The following ALG12 variants were observed in gnomAD, a reference collection of about 807,000 sequenced individuals.
ALG12 encodes the protein ALG12 alpha-1,6-mannosyltransferase.
Under a neutral mutation model 46.0 loss-of-function variants are expected in ALG12, and 36 were observed. The observed-to-expected ratio is 0.78, with a 90% CI of 0.60 to 1.03. The LOEUF (loss-of-function observed/expected upper bound fraction) is 1.03. Ranked by LOEUF, ALG12 falls within the 50% of genes least tolerant of loss-of-function variation. The pLI is 0.00. For synonymous variants in ALG12, 326 were observed against 291.6 expected, an observed-to-expected ratio of 1.12 and a Z score of -1.20; for missense variants, 599 against 633.5, an observed-to-expected ratio of 0.95 and a Z score of 0.58.
chr22:49,861,260 G>T, the ALG12 span, among the ~76,000 whole-genome samples: 1 of 151,528 alleles, frequency 6.6e-6, no homozygotes, highest in East Asian at 1.9e-4. Flanking sequence ...TTGTGCCTCA[G>T]CCTCCTGAGT....
the ALG12 span, among the ~76,000 whole-genome samples, chr22:49,862,272 CTGT>C: frequency 6.4e-4 from 97 of 151,958 alleles, 1 homozygote; most frequent in African/African-American, 2.3e-3. Context: ...GGTGGTTTCT[CTGT>C]CTTTCTTATT....
chr22:49,871,656 T>G, the ALG12 span, among the ~76,000 whole-genome samples: 1 of 152,126 alleles, frequency 6.6e-6, no homozygotes, highest in African/African-American at 2.4e-5. Flanking sequence ...GATGTTGCCT[T>G]GGTGTCCAGG....
At chr22:49,915,706 G>A (rs997302540) in intron 1 of ALG12, among the ~76,000 whole-genome samples, 15 of 152,188 alleles carry the variant, frequency 9.9e-5, no homozygotes, top group African/African-American at 3.4e-4. Flanking sequence ...CTTTTTGACG[G>A]TGGGGGGTTT....
rs1445845495 is a variant in ALG12, at chr22:49,905,890, A to C, written c.993-1384T>G. Among the ~76,000 whole-genome samples, 1 of 152,186 alleles carries C rather than the reference A, an allele frequency of 6.6e-6. No homozygotes were observed. The highest frequency in any genetic ancestry group is 1.5e-5 in the Non-Finnish European group (1 of 68,016). On this transcript the variant is annotated intron_variant, in intron 7 of 9. Coordinates refer to ENST00000330817, the MANE Select transcript of ALG12 (RefSeq NM_024105.4). The surrounding 1 kb of genome is among the most constrained non-coding windows in gnomAD (Gnocchi z 4.9). ...CTGCCCCAAAGAGCTCAGCACTGCC[A>C]GGGCGTTCGTCCTTTGTTCCCGCCC...
chr22:49,911,099 AGG>A (rs2060574315), intron 3 of ALG12, among the ~76,000 whole-genome samples: 1 of 152,192 alleles, frequency 6.6e-6, no homozygotes, highest in Non-Finnish European at 1.5e-5. Context: ...TCTGATGAGG[AGG>A]TGGTGAGGGG....
At chr22:49,895,244 C>T (rs2060479472), downstream of ALG12, among the ~76,000 whole-genome samples, 1 of 152,188 alleles carries the variant, frequency 6.6e-6, no homozygotes, top group Admixed American at 6.5e-5. Context: ...GTAAGTCTTC[C>T]CATCCTCCTG....
At chr22:49,883,923 C>T in the ALG12 span, 2 of 1,611,024 alleles carry the variant, frequency 1.2e-6, no homozygotes, top group Non-Finnish European at 8.5e-7. Flanking sequence ...GCGCGCTGTT[C>T]TCCCAGTACA....
chr22:49,863,920 C>T, the ALG12 span, among the ~76,000 whole-genome samples: 1 of 152,170 alleles, frequency 6.6e-6, no homozygotes, highest in Non-Finnish European at 1.5e-5. Flanking sequence ...AGTGAGAGCC[C>T]CTACAAGCTG....
At chr22:49,864,948 C>G in the ALG12 span, among the ~76,000 whole-genome samples, 6 of 98,532 alleles carry the variant, frequency 6.1e-5, no homozygotes, top group Non-Finnish European at 9.1e-5. Context: ...CCCCCCCCCC[C>G]CCCCGTGAAG....
downstream of ALG12, among the ~76,000 whole-genome samples, chr22:49,897,530 G>C (rs2060487872): frequency 1.3e-5 from 2 of 152,156 alleles, no homozygotes; most frequent in African/African-American, 4.8e-5. Flanking sequence ...CAAGTGCGTA[G>C]TGGTGTCTCA....
the ALG12 span, among the ~76,000 whole-genome samples, chr22:49,872,321 C>G: frequency 1.3e-5 from 2 of 152,164 alleles, no homozygotes; most frequent in Non-Finnish European, 2.9e-5. Context: ...CTCATTCACT[C>G]AAGTTTTATC....
chr22:49,886,904 C>T, the ALG12 span: 4 of 1,614,150 alleles, frequency 2.5e-6, no homozygotes, highest in Non-Finnish European at 3.4e-6. This position sits in a 1 kb window ranked among gnomAD's most constrained non-coding sequence, Gnocchi z 7.7. Context: ...GAAAAGCTGC[C>T]TGAAGCCATG....
intron 3 of ALG12, among the ~76,000 whole-genome samples, chr22:49,912,755 A>G (rs1004124013): frequency 6.6e-6 from 1 of 152,168 alleles, no homozygotes; most frequent in Admixed American, 6.5e-5. Context: ...TAATCCCAGC[A>G]CTGTGGGAGG....
the ALG12 span, among the ~76,000 whole-genome samples, chr22:49,870,787 T>C: frequency 1.3e-5 from 2 of 152,184 alleles, no homozygotes; most frequent in Non-Finnish European, 2.9e-5. Context: ...GTCGATGGTC[T>C]CCTTTTCTGT....
intron 3 of ALG12, among the ~76,000 whole-genome samples, chr22:49,910,838 G>A (rs1374760319): frequency 6.6e-6 from 1 of 152,250 alleles, no homozygotes; most frequent in African/African-American, 2.4e-5. Context: ...GACCCTTGCG[G>A]GGGCTGCTCT....
At position 49,906,397 on chromosome 22, in the gene ALG12, A is replaced by C. The variant is rs2060542093; in HGVS notation, c.992+1324T>G. On this transcript the variant is annotated intron_variant, in intron 7 of 9. Transcript: ENST00000330817. The surrounding 1 kb of genome is among the most constrained non-coding windows in gnomAD (Gnocchi z 4.4). ...ACAGAAAAGCAGAGGCAGAGCTCCCAGGAGCCCCCACTGAGGCGCGGCTAC... is the reference window on the plus strand; with the variant it reads ...ACAGAAAAGCAGAGGCAGAGCTCCCCGGAGCCCCCACTGAGGCGCGGCTAC... Among the ~76,000 whole-genome samples, 1 of 152,140 alleles carries C rather than the reference A, an allele frequency of 6.6e-6. No homozygotes were observed. The highest frequency in any genetic ancestry group is 6.5e-5 in the Admixed American group (1 of 15,274).
chr22:49,863,399 C>T, the ALG12 span, among the ~76,000 whole-genome samples: 2 of 152,184 alleles, frequency 1.3e-5, no homozygotes, highest in Non-Finnish European at 2.9e-5. Context: ...GAGGCCGAGG[C>T]AGGCGGATCA....
At chr22:49,910,686 C>T in intron 3 of ALG12, 79 bp from the exon 4 acceptor site, 1 of 1,526,068 alleles carries the variant, frequency 6.6e-7, no homozygotes, top group Non-Finnish European at 9.1e-7. Flanking sequence ...TCCTTCTACA[C>T]AGATCTTTCT....
the ALG12 span, among the ~76,000 whole-genome samples, chr22:49,862,740 C>T: frequency 5.8e-4 from 76 of 130,020 alleles, no homozygotes; most frequent in Admixed American, 1.3e-3. Flanking sequence ...CTTGCTCTGT[C>T]GCCCAGGCTG....
Sources: gnomAD v4.1 joint callset for allele counts (sites outside exome capture counted in the v4.1 genomes callset) on GRCh38, gnomAD v4.1.1 for gene constraint, Gnocchi (gnomAD v3.1) non-coding constraint, MANE v1.5 for transcripts, NCBI Gene and HGNC (gene_info 2026-07-23, HGNC 2026-07-21) for gene names.